Variants in SF3B3 observed in about 807,000 individuals in gnomAD.
SF3B3 encodes SAP 130.
In SF3B3, 33 loss-of-function variants were observed where a neutral mutation model predicts 139.2. The ratio of observed to expected loss-of-function variants is 0.24; its 90% confidence interval spans 0.18 to 0.32. The LOEUF (loss-of-function observed/expected upper bound fraction) is 0.32, where lower values mean the gene tolerates loss of function less well. Ranked by LOEUF, SF3B3 falls within the 10% of genes least tolerant of loss-of-function variation. The pLI, the probability that SF3B3 is intolerant of heterozygous loss-of-function variation, is 1.00. For synonymous variants in SF3B3, 596 were observed against 563.6 expected (o/e 1.06, Z -0.81); for missense variants, 818 against 1,509.4 (o/e 0.54, Z 7.59).
rs1025010952 is a variant in SF3B3, at chr16:70,538,411, C to T, written c.914C>T (p.Thr305Ile). Residue 305 changes from threonine to isoleucine, a missense_variant, in exon 7 of 26, where the codon ACT (threonine) becomes ATT (isoleucine). By Grantham distance (89) the Thr-to-Ile change is moderately conservative (BLOSUM62 -1). Around this residue, in one of 14 missense-constraint regions of SF3B3, gnomAD observed 80 missense variants for 206.5 expected, o/e 0.39. Transcript: ENST00000302516. ...TCGATGTTCTTCTTTTTGGCTCAAA[C>T]TGAGCAGGGAGATATCTTTAAGATC... is the stretch of plus-strand genomic sequence containing the variant. ...TKSMFFFLAQ[T>I]EQGDIFKITL... 1.2e-6 allele frequency: 2 copies of T among 1,613,860 alleles called. No individual in the cohort carries two copies. The highest frequency in any genetic ancestry group is 1.7e-6 in the Non-Finnish European group (2 of 1,179,736).
At chr16:70,558,194 C>T (rs2050395635) in intron 15 of SF3B3, among the ~76,000 whole-genome samples, 1 of 151,966 alleles carries the variant, frequency 6.6e-6, no homozygotes. Flanking sequence ...ACCATGCCAT[C>T]CATTAGAAAT....
chr16:70,535,890 A>G (rs2050161178), intron 6 of SF3B3, among the ~76,000 whole-genome samples: 2 of 151,960 alleles, frequency 1.3e-5, no homozygotes. Flanking sequence ...CTTTCTCATG[A>G]TATATCCATA....
chr16:70,548,920 A>G (rs1215764196), intron 11 of SF3B3, among the ~76,000 whole-genome samples: 1 of 152,210 alleles, frequency 6.6e-6, no homozygotes, highest in Non-Finnish European at 1.5e-5. Flanking sequence ...AGTGGAATTG[A>G]GTGGAATTCG....
chr16:70,569,916 A>T, intron 23 of SF3B3, 90 bp from the exon 24 acceptor site: 1 of 1,424,844 alleles, frequency 7.0e-7, no homozygotes, highest in Non-Finnish European at 9.7e-7. Context: ...ATAGATGATG[A>T]AATGTGCCTT....
At chr16:70,567,316 A>T in intron 20 of SF3B3, 95 bp from the exon 21 acceptor site, 1 of 1,345,006 alleles carries the variant, frequency 7.4e-7, no homozygotes, top group Non-Finnish European at 1.0e-6. Flanking sequence ...TCTTAATGAT[A>T]GGCTCCTGTG....
At chr16:70,562,756 AG>A (rs2050441219) in intron 17 of SF3B3, among the ~76,000 whole-genome samples, 1 of 152,188 alleles carries the variant, frequency 6.6e-6, no homozygotes, top group Non-Finnish European at 1.5e-5. Flanking sequence ...AAACTAAATC[AG>A]GGAAGGTGAC....
Position 70,565,626 on chromosome 16 carries a change from T to C in SF3B3, c.2826+102T>C, listed in dbSNP as rs1417656098. ...GTCTTTTGGGGACCAGCTCCTTGAT[T>C]CCAATCTCTCTCTTACCAGCACATG... On this transcript the variant is annotated intron_variant, in intron 20 of 25. Coordinates refer to ENST00000302516, the MANE Select transcript of SF3B3 (RefSeq NM_012426.5). 3 of 1,030,166 alleles carry C rather than the reference T, an allele frequency of 2.9e-6. No homozygotes were observed. The African/African-American group carries it at 4.8e-5, about 17-fold the overall frequency. The allele number at this position is 1,030,166 out of a possible 1,614,324, so 63.8% of individuals were successfully genotyped here. A position where few individuals can be genotyped will look rare whatever the true frequency, so the allele number is the denominator to read the frequency against.
intron 1 of SF3B3, among the ~76,000 whole-genome samples, chr16:70,524,298 G>A (rs946128366): frequency 6.6e-6 from 1 of 152,080 alleles, no homozygotes; most frequent in Non-Finnish European, 1.5e-5. Flanking sequence ...CGTAAATAAC[G>A]GAAACAGTCT....
In SF3B3 at chr16:70,576,440, C is replaced by T. The variant is rs1038334175; in HGVS notation, c.*4627C>T. 6.6e-6 allele frequency: 1 copy of T among 152,138 alleles called. No individual in the cohort carries two copies. Among genetic ancestry groups the T allele is most frequent in the Admixed American group, 6.5e-5 (1 of 15,270 alleles). 9.4% of individuals were successfully genotyped at this position (152,138 alleles called of 1,614,324 possible). ...AGGTCCACTCAGCAGAACTTGCTCC[C>T]TTCTCTGACTGCAGTCTCATAATGA... On this transcript the variant is annotated 3_prime_UTR_variant, in exon 26 of 26. Transcript: ENST00000302516.
chr16:70,523,997 C>T, intron 1 of SF3B3, 69 bp downstream of exon 1: 2 of 417,596 alleles, frequency 4.8e-6, no homozygotes, highest in East Asian at 3.5e-5. Context: ...AAGGGGGACC[C>T]GAGACTTTGG....
chr16:70,568,365 T>C lies in SF3B3; in HGVS notation c.3035T>C (p.Val1012Ala). ...VSDVQESFIW[V>A]RYKRNENQLI... ...GATGTCCAAGAAAGTTTCATCTGGGTTCGCTACAAGCGTAATGAAAACCAG... is the reference window on the plus strand; with the variant it reads ...GATGTCCAAGAAAGTTTCATCTGGGCTCGCTACAAGCGTAATGAAAACCAG... Residue 1012 changes from valine to alanine, a missense_variant, in exon 22 of 26, where the codon GTT becomes GCT. By Grantham distance (64) the Val-to-Ala change is moderately conservative. Transcript: ENST00000302516. 1 of 1,614,046 alleles carries C rather than the reference T, an allele frequency of 6.2e-7. No individual in the cohort carries two copies. Among genetic ancestry groups the C allele is most frequent in the Non-Finnish European group, 8.5e-7 (1 of 1,179,874 alleles).
rs780695330 is a variant in SF3B3 at position 70,526,738 on chromosome 16, C to T, written c.70+12C>T. On this transcript the variant is annotated intron_variant, in intron 2 of 25. Coordinates refer to ENST00000302516, the MANE Select transcript of SF3B3 (RefSeq NM_012426.5). The stretch of plus-strand genomic sequence containing the variant: ...TGGAAACTTTTCTGGTAAGTTCTCT[C>T]GTTACCATCTTTTGAAATTTTAAGT... The T allele has an allele frequency of 6.0e-5, 95 of 1,588,430 alleles. No homozygotes were observed. The highest frequency in any genetic ancestry group is 8.4e-5 in the Admixed American group (5 of 59,870).
At chr16:70,532,017 C>G (rs531834232) in intron 4 of SF3B3, among the ~76,000 whole-genome samples, 2 of 152,262 alleles carry the variant, frequency 1.3e-5, no homozygotes, top group African/African-American at 2.4e-5. Flanking sequence ...CCACTGCAGT[C>G]GTGTACAGTG....
At chr16:70,532,455 T>G in intron 4 of SF3B3, 24 bp from the exon 5 acceptor site, 2 of 1,612,430 alleles carry the variant, frequency 1.2e-6, no homozygotes, top group Non-Finnish European at 1.7e-6. Context: ...TGATGATTAG[T>G]TTTTATGCCA....
chr16:70,529,918 A>C (rs2050104071), intron 3 of SF3B3, among the ~76,000 whole-genome samples: 1 of 151,902 alleles, frequency 6.6e-6, no homozygotes. Flanking sequence ...GGATCACTTG[A>C]GGTCAGGAGT....
chr16:70,536,841 T>A (rs2151779508), intron 6 of SF3B3, among the ~76,000 whole-genome samples: 1 of 150,476 alleles, frequency 6.6e-6, no homozygotes, highest in South Asian at 2.1e-4. Flanking sequence ...GATGGTGTCT[T>A]GCTCTGTTGC....
In SF3B3 at chr16:70,572,032, A is replaced by G. The variant is rs773466703; in HGVS notation, c.*219A>G. ...TGCTACACTTCTCCCCACCTGGTAC[A>G]TGATACATGACCCCAGGTTCCAGTG... On this transcript the variant is annotated 3_prime_UTR_variant, in exon 26 of 26. Coordinates refer to ENST00000302516, the MANE Select transcript of SF3B3 (RefSeq NM_012426.5). 4 of 673,920 alleles carry G rather than the reference A, an allele frequency of 5.9e-6. No homozygotes were observed. The highest frequency in any genetic ancestry group is 1.1e-5 in the Non-Finnish European group (4 of 373,360). 41.7% of individuals were successfully genotyped at this position (673,920 alleles called of 1,614,324 possible).
At position 70,571,733 on chromosome 16, in the gene SF3B3, A is replaced by T; in HGVS notation, c.3574A>T (p.Asn1192Tyr). 2 of 1,614,118 alleles carry T rather than the reference A, an allele frequency of 1.2e-6. No homozygotes were observed. Among genetic ancestry groups the T allele is most frequent in the Non-Finnish European group, 1.7e-6 (2 of 1,180,016 alleles). Residue 1192 changes from asparagine to tyrosine, a missense_variant, in exon 26 of 26, where the codon AAC (asparagine) becomes TAC (tyrosine). Physicochemically the swap from Asn to Tyr is moderately radical, Grantham distance 143. Transcript: ENST00000302516. The part of the protein sequence containing the change: ...FNSMEPNKQK[N>Y]VSEELDRTPP... The stretch of plus-strand genomic sequence containing the variant: ...TTCCATGGAACCCAACAAACAAAAG[A>T]ACGTCTCTGAAGAACTGGACCGAAC...
At chr16:70,560,972 T>C (rs2050422538) in intron 16 of SF3B3, among the ~76,000 whole-genome samples, 1 of 152,146 alleles carries the variant, frequency 6.6e-6, no homozygotes, top group Non-Finnish European at 1.5e-5. Context: ...TAGTTAAGAA[T>C]GTTAGTGTTT....
Sources: allele counts gnomAD v4.1 joint callset (sites outside exome capture counted in the v4.1 genomes callset), GRCh38; gene constraint gnomAD v4.1.1; regional missense constraint gnomAD v4.1.1; transcripts MANE v1.5; gene names NCBI Gene and HGNC (gene_info 2026-07-23, HGNC 2026-07-21).